The following MITD1 variants were observed in gnomAD, a reference collection of about 807,000 sequenced individuals.
MITD1 encodes the protein microtubule interacting and trafficking domain containing 1.
MITD1 carries 24 observed loss-of-function variants against 34.9 expected under a neutral mutation model. The observed-to-expected ratio is 0.69, with a 90% CI of 0.50 to 0.97. MITD1 has a LOEUF of 0.97. Among genes scored for constraint, MITD1 ranks in the 50% least tolerant of loss-of-function variants. The pLI, the probability that MITD1 is intolerant of heterozygous loss-of-function variation, is 0.00. For synonymous variants in MITD1, 102 were observed against 101.4 expected (o/e 1.01, Z -0.04); for missense variants, 266 against 294.6 (o/e 0.90, Z 0.71).
At chr2:99,177,358 T>C (rs545049640) in intron 1 of MITD1, among the ~76,000 whole-genome samples, 1 of 152,336 alleles carries the variant, frequency 6.6e-6, no homozygotes, top group African/African-American at 2.4e-5. Context: ...ATCTTAATAC[T>C]GGTATCATCT....
chr2:99,162,765 GA>G (rs1275124598), intron 7 of MITD1: 2 of 1,614,122 alleles, frequency 1.2e-6, no homozygotes, highest in Non-Finnish European at 1.7e-6. Flanking sequence ...GCAAACTTGG[GA>G]GTGGATATAT....
chr2:99,166,876 T>TATATATATAC (rs2093829613), downstream of MITD1, among the ~76,000 whole-genome samples: 2 of 142,244 alleles, frequency 1.4e-5, no homozygotes, highest in African/African-American at 5.2e-5. Context: ...TATATATATA[T>TATATATATAC]ATATATATAT....
downstream of MITD1, among the ~76,000 whole-genome samples, chr2:99,168,094 C>T (rs1400301871): frequency 6.6e-6 from 1 of 152,144 alleles, no homozygotes; most frequent in Admixed American, 6.6e-5. Flanking sequence ...AACACTGGTA[C>T]TATAGTTTTC....
chr2:99,169,279 A>AAAATT lies in MITD1; in HGVS notation c.*95_*96insAATTT. On this transcript the variant is annotated 3_prime_UTR_variant, in exon 7 of 7. Coordinates refer to ENST00000289359, the MANE Select transcript of MITD1 (RefSeq NM_138798.3). ...ATCCATAAATTAGTAGAAATATAAA[A>AAAATT]GTTTATTGTTAAATTCATACATTAT... The AAAATT allele has an allele frequency of 1.6e-6, 1 of 616,364 alleles. No individual in the cohort carries two copies. Among genetic ancestry groups the AAAATT allele is most frequent in the Non-Finnish European group, 2.8e-6 (1 of 354,622 alleles). 38.2% of individuals were successfully genotyped at this position (616,364 alleles called of 1,614,324 possible).
At chr2:99,171,677 A>C (rs2093858909) in intron 2 of MITD1, 31 bp from the exon 3 acceptor site, 2 of 1,583,802 alleles carry the variant, frequency 1.3e-6, no homozygotes, top group South Asian at 2.3e-5. Flanking sequence ...CAGTAAAACC[A>C]GTGACCATTT....
downstream of MITD1, among the ~76,000 whole-genome samples, chr2:99,166,189 TA>T (rs554451762): frequency 5.1e-3 from 681 of 132,310 alleles, 1 homozygote; most frequent in Admixed American, 5.9e-3. Flanking sequence ...GAGTGTGAAT[TA>T]AAAAAAAAAA....
At chr2:99,165,178 C>T (rs1176209418), downstream of MITD1, among the ~76,000 whole-genome samples, 1 of 152,140 alleles carries the variant, frequency 6.6e-6, no homozygotes, top group Non-Finnish European at 1.5e-5. Flanking sequence ...AGTGATCTTC[C>T]TGTCTCAGCC....
In MITD1 at chr2:99,181,022, T is replaced by C. The variant is rs138165158; in HGVS notation, c.-41A>G. Reference sequence around the variant, plus strand: ...CCTCCGCCTCAACCCAGGATGAAGTTGAGCGGGTCTGCTGCGCTTCCGGGA... The same window carrying C: ...CCTCCGCCTCAACCCAGGATGAAGTCGAGCGGGTCTGCTGCGCTTCCGGGA... On this transcript the variant is annotated 5_prime_UTR_variant, in exon 1 of 7. Coordinates refer to ENST00000289359, the MANE Select transcript of MITD1 (RefSeq NM_138798.3). 193 of 1,593,094 alleles carry C rather than the reference T, an allele frequency of 1.2e-4. No homozygotes were observed. In the East Asian group the frequency reaches 3.8e-3, roughly 32 times the overall value.
In MITD1 at chr2:99,173,878, T is replaced by C. The variant is rs770416906; in HGVS notation, c.253+37A>G. 11 of 1,284,438 alleles carry C rather than the reference T, an allele frequency of 8.6e-6. No homozygotes were observed. The Admixed American group carries it at 1.5e-4, about 18-fold the overall frequency. The allele number at this position is 1,284,438 out of a possible 1,614,324, so 79.6% of individuals were successfully genotyped here. On this transcript the variant is annotated intron_variant, in intron 2 of 6. Coordinates refer to ENST00000289359, the MANE Select transcript of MITD1 (RefSeq NM_138798.3). ...ACATTGGGTGAATGGACAGTCACAG[T>C]TGTTTATGGATGCATTTTCTAAAAC...
Position 99,173,702 on chromosome 2 carries a change from A to AC in MITD1, c.253+212dup, listed in dbSNP as rs946236340. On this transcript the variant is annotated intron_variant, in intron 2 of 6. Coordinates refer to ENST00000289359, the MANE Select transcript of MITD1 (RefSeq NM_138798.3). ...GTTCAAAGGGGTGTCTGATATTCCC[A>AC]CCCCCAACTAAAAACAAAAGCCAAA... The AC allele has an allele frequency of 6.9e-6, 4 of 578,984 alleles. No individual in the cohort carries two copies. In the Admixed American group the frequency reaches 1.2e-4, roughly 17 times the overall value. The allele number at this position is 578,984 out of a possible 1,614,324, so 35.9% of individuals were successfully genotyped here. A position where few individuals can be genotyped will look rare whatever the true frequency, so the allele number is the denominator to read the frequency against.
chr2:99,180,987 T>C lies in MITD1; in HGVS notation c.-6A>G, dbSNP rs753415759. ...CTCAGCCCGGACTTCGCCATAATTC[T>C]GGAAGTTCTCCTCCGCCTCAACCCA... is the stretch of plus-strand genomic sequence containing the variant. On this transcript the variant is annotated 5_prime_UTR_variant, in exon 1 of 7. Coordinates refer to ENST00000289359, the MANE Select transcript of MITD1 (RefSeq NM_138798.3). The C allele has an allele frequency of 2.5e-6, 4 of 1,612,518 alleles. No homozygotes were observed. The East Asian group carries it at 6.7e-5, about 27-fold the overall frequency.
In MITD1 at chr2:99,169,542, T is replaced by C; in HGVS notation, c.654+8A>G. The C allele has an allele frequency of 6.2e-7, 1 of 1,606,232 alleles. No individual in the cohort carries two copies. The highest frequency in any genetic ancestry group is 8.5e-7 in the Non-Finnish European group (1 of 1,172,948). Reference sequence around the variant, plus strand: ...TGCTACACATTTACTCATAAGATTATATCCTACCTGTGGTTTCTTAAAATA... The same window carrying C: ...TGCTACACATTTACTCATAAGATTACATCCTACCTGTGGTTTCTTAAAATA... On this transcript the variant is annotated splice_region_variant and intron_variant, in intron 6 of 6. Coordinates refer to ENST00000289359, the MANE Select transcript of MITD1 (RefSeq NM_138798.3).
chr2:99,171,277 T>C (rs2093855942), intron 4 of MITD1, 66 bp downstream of exon 4: 1 of 1,216,958 alleles, frequency 8.2e-7, no homozygotes, highest in Admixed American at 1.8e-5. Context: ...GTGTTCTCCT[T>C]GACTGGACTA....
At chr2:99,163,187 A>C (rs560162137) in intron 7 of MITD1, 9 of 601,376 alleles carry the variant, frequency 1.5e-5, no homozygotes, top group South Asian at 8.1e-5. Flanking sequence ...GTCAAAAAAA[A>C]AAAACAAAAC....
At chr2:99,169,638 T>G in intron 5 of MITD1, 28 bp from the exon 6 acceptor site, 2 of 1,530,200 alleles carry the variant, frequency 1.3e-6, no homozygotes, top group Non-Finnish European at 1.8e-6. Flanking sequence ...TAGTATTATA[T>G]TCAAGACATT....
downstream of MITD1, among the ~76,000 whole-genome samples, chr2:99,168,946 ATTTTTTTTTTT>A (rs1175310553): frequency 9.9e-4 from 49 of 49,328 alleles, no homozygotes; most frequent in Non-Finnish European, 1.7e-3. Context: ...TGCCCGGCTA[ATTTTTTTTTTT>A]TTTTTTTTTT....
At position 99,162,903 on chromosome 2, in the gene MITD1, G is replaced by A; in HGVS notation, c.*4-685C>T. 1.2e-6 allele frequency: 2 copies of A among 1,613,392 alleles called. No homozygotes were observed. The highest frequency in any genetic ancestry group is 1.3e-5 in the African/African-American group (1 of 75,020). ...TGAAATTTGTAATATTGAAGCACCT[G>A]ATCATTGGTTGCCATTGGAAATACG... On this transcript the variant is annotated intron_variant, in intron 7 of 7. Transcript: ENST00000422537.
At chr2:99,163,177 G>A (rs1182354450) in intron 7 of MITD1, 11 of 437,276 alleles carry the variant, frequency 2.5e-5, no homozygotes, top group South Asian at 6.1e-5. Flanking sequence ...TTTTAGTAAC[G>A]TCAAAAAAAA....
chr2:99,179,772 A>G (rs1416809249), intron 1 of MITD1, among the ~76,000 whole-genome samples: 1 of 152,082 alleles, frequency 6.6e-6, no homozygotes, highest in Non-Finnish European at 1.5e-5. Flanking sequence ...CATGTTGGCC[A>G]GGATGGTCTC....
Sources: allele counts gnomAD v4.1 joint callset (sites outside exome capture counted in the v4.1 genomes callset), GRCh38; gene constraint gnomAD v4.1.1; transcripts MANE v1.5; gene names NCBI Gene and HGNC (gene_info 2026-07-23, HGNC 2026-07-21).